Variants in TUSC3 observed in about 807,000 individuals in gnomAD.
TUSC3 encodes dolichyl-diphosphooligosaccharide--protein glycosyltransferase subunit TUSC3.
TUSC3 carries 45 observed loss-of-function variants against 44.8 expected under a neutral mutation model. The observed-to-expected ratio is 1.00, with a 90% confidence interval of 0.79 to 1.29. The LOEUF (loss-of-function observed/expected upper bound fraction) is 1.29. Ranked by LOEUF, TUSC3 falls within the 50% of genes most tolerant of loss-of-function variation. The pLI is 0.00. For missense variants in TUSC3, 519 were observed against 437.9 expected, an observed-to-expected ratio of 1.19 and a Z score of -1.65; for synonymous variants, 212 against 152.9, an observed-to-expected ratio of 1.39 and a Z score of -2.85.
At chr8:15,439,610 T>C (rs1799994946) in intron 1 of TUSC3, among the ~76,000 whole-genome samples, 1 of 152,212 alleles carries the variant, frequency 6.6e-6, no homozygotes, top group African/African-American at 2.4e-5. Flanking sequence ...ATGGAAGTCA[T>C]ACACAACACT....
intron 9 of TUSC3, among the ~76,000 whole-genome samples, chr8:15,753,832 T>C (rs905767453): frequency 1.1e-4 from 16 of 151,972 alleles, no homozygotes; most frequent in African/African-American, 3.6e-4. Flanking sequence ...AAAGCAAATA[T>C]ATATCTATTC....
At chr8:15,603,550 A>G (rs1287368616) in intron 1 of TUSC3, among the ~76,000 whole-genome samples, 1 of 151,698 alleles carries the variant, frequency 6.6e-6, no homozygotes, top group Non-Finnish European at 1.5e-5. Context: ...TACAATATAT[A>G]GGATTATAAA....
intron 6 of TUSC3, among the ~76,000 whole-genome samples, chr8:15,703,435 AT>A (rs1809487286): frequency 1.3e-5 from 2 of 152,138 alleles, no homozygotes; most frequent in South Asian, 4.1e-4. Flanking sequence ...TGTTTTTAAC[AT>A]TTTTTAAACA....
chr8:15,482,401 C>T (rs1199418431), intron 1 of TUSC3, among the ~76,000 whole-genome samples: 1 of 152,158 alleles, frequency 6.6e-6, no homozygotes, highest in African/African-American at 2.4e-5. Context: ...TTTCAATATA[C>T]TTTGCTCAGA....
intron 7 of TUSC3, among the ~76,000 whole-genome samples, chr8:15,740,633 G>C (rs923230774): frequency 1.3e-5 from 2 of 152,096 alleles, no homozygotes; most frequent in African/African-American, 4.8e-5. Flanking sequence ...TTCCTTATCA[G>C]TTTGATAAAA....
chr8:15,461,188 C>A (rs897774287), intron 1 of TUSC3, among the ~76,000 whole-genome samples: 1 of 152,066 alleles, frequency 6.6e-6, no homozygotes, highest in African/African-American at 2.4e-5. Flanking sequence ...TTTGTGTTGT[C>A]TGTGATTTCT....
chr8:15,563,416 T>G (rs977188286), intron 1 of TUSC3, among the ~76,000 whole-genome samples: 1 of 151,818 alleles, frequency 6.6e-6, no homozygotes, highest in African/African-American at 2.4e-5. Flanking sequence ...GTAAGGAAGA[T>G]TCAAGAACAA....
chr8:15,578,082 A>T (rs1391165724), intron 1 of TUSC3, among the ~76,000 whole-genome samples: 17 of 150,450 alleles, frequency 1.1e-4, no homozygotes, highest in African/African-American at 4.2e-4. Context: ...AGCAATTGTG[A>T]ATGGGAGTTC....
At chr8:15,452,330 AAC>A (rs1800205075) in intron 1 of TUSC3, among the ~76,000 whole-genome samples, 1 of 152,220 alleles carries the variant, frequency 6.6e-6, no homozygotes, top group South Asian at 2.1e-4. Context: ...CTCAAGATCA[AAC>A]ACAAAATTTG....
intron 2 of TUSC3, among the ~76,000 whole-genome samples, chr8:15,525,688 A>T (rs548578049): frequency 2.0e-5 from 3 of 152,240 alleles, no homozygotes; most frequent in South Asian, 2.1e-4. Flanking sequence ...TGGTTGGAGG[A>T]TTCTTTGAAG....
At chr8:15,495,871 C>T (rs1585065623) in intron 2 of TUSC3, among the ~76,000 whole-genome samples, 1 of 152,112 alleles carries the variant, frequency 6.6e-6, no homozygotes, top group African/African-American at 2.4e-5. Flanking sequence ...GAGTAGTATC[C>T]TTGTTTACTA....
intron 3 of TUSC3, among the ~76,000 whole-genome samples, chr8:15,658,496 T>C (rs1807268967): frequency 6.6e-6 from 1 of 152,136 alleles, no homozygotes; most frequent in Non-Finnish European, 1.5e-5. Flanking sequence ...TATTTATATA[T>C]TGATTTTTGT....
chr8:15,636,948 T>TA lies in TUSC3; in HGVS notation c.308+13700dup, dbSNP rs1423322781. Among the ~76,000 whole-genome samples the TA allele has an allele frequency of 1.1e-4, 17 of 152,286 alleles. 3 individuals are homozygous for TA. The South Asian group carries it at 1.9e-3, about 17-fold the overall frequency. On this transcript the variant is annotated intron_variant, in intron 2 of 10. Coordinates refer to ENST00000503731, the MANE Select transcript of TUSC3 (RefSeq NM_006765.4). ...GATACTGATGCCGATCCAGTTTTCT[T>TA]ACTTTGAATGTGATTTGTTTTTTTG...
the TUSC3 span, among the ~76,000 whole-genome samples, chr8:15,816,956 T>C: frequency 6.6e-6 from 1 of 152,202 alleles, no homozygotes; most frequent in Admixed American, 6.5e-5. Flanking sequence ...CAAAATGTCC[T>C]TCCTTTATTT....
chr8:15,463,508 A>G (rs1015299880), intron 1 of TUSC3, among the ~76,000 whole-genome samples: 20 of 152,200 alleles, frequency 1.3e-4, no homozygotes, highest in African/African-American at 4.6e-4. Context: ...TTCTCATTTT[A>G]TGTGCTCTTA....
At chr8:15,701,158 A>G (rs907704681) in intron 6 of TUSC3, among the ~76,000 whole-genome samples, 3 of 152,124 alleles carry the variant, frequency 2.0e-5, no homozygotes, top group African/African-American at 7.2e-5. Context: ...TAATACACAG[A>G]TCTTAAATGC....
In TUSC3 at chr8:15,625,290, G is replaced by T. The variant is rs538201541; in HGVS notation, c.308+2041G>T. 9.2e-5 allele frequency among the ~76,000 whole-genome samples: 14 copies of T among 152,170 alleles called. No individual in the cohort carries two copies. In the South Asian group the frequency reaches 2.7e-3, roughly 29 times the overall value. On this transcript the variant is annotated intron_variant, in intron 2 of 10. Coordinates refer to ENST00000503731, the MANE Select transcript of TUSC3 (RefSeq NM_006765.4). ...TGATCTAAGTTAATGATAGACACTG[G>T]TCTGTAGTTTTTATTGTTTATAGTG...
chr8:15,825,667 C>T, the TUSC3 span, among the ~76,000 whole-genome samples: 1 of 152,116 alleles, frequency 6.6e-6, no homozygotes, highest in African/African-American at 2.4e-5. Flanking sequence ...TAGAGGAAAA[C>T]AGAACATACA....
At chr8:15,610,602 A>C (rs1451037796) in intron 1 of TUSC3, among the ~76,000 whole-genome samples, 3 of 152,206 alleles carry the variant, frequency 2.0e-5, no homozygotes, top group African/African-American at 4.8e-5. Context: ...CAAGTTTCGG[A>C]AACAGTTGTT....
Sources: gnomAD v4.1 joint callset for allele counts (sites outside exome capture counted in the v4.1 genomes callset) on GRCh38, gnomAD v4.1.1 for gene constraint, MANE v1.5 for transcripts, NCBI Gene and HGNC (gene_info 2026-07-23, HGNC 2026-07-21) for gene names.